EHD4: variants seen among roughly 807,000 people sequenced by gnomAD.
EHD4 encodes EH domain containing 4, also known as EH domain-containing protein 4.
A neutral mutation model predicts 51.0 loss-of-function variants in EHD4; 37 were observed. The ratio of observed to expected loss-of-function variants is 0.73; its 90% confidence interval spans 0.56 to 0.95. EHD4 has a LOEUF of 0.95. Among genes scored for constraint, EHD4 ranks in the 40% least tolerant of loss-of-function variants. The pLI is 0.00. For synonymous variants in EHD4, 297 were observed against 317.3 expected (o/e 0.94, Z 0.68); for missense variants, 632 against 733.1 (o/e 0.86, Z 1.59).
chr15:41,961,659 T>C (rs560052972), intron 1 of EHD4, among the ~76,000 whole-genome samples: 2 of 152,334 alleles, frequency 1.3e-5, no homozygotes, highest in African/African-American at 4.8e-5. Context: ...TTTCTCCAAA[T>C]AGAATCATTT....
chr15:41,922,459 C>T (rs915810052), intron 3 of EHD4, among the ~76,000 whole-genome samples: 5 of 152,178 alleles, frequency 3.3e-5, no homozygotes, highest in Admixed American at 2.6e-4. Flanking sequence ...TTTAAGATTT[C>T]GGAATACCTC....
intron 3 of EHD4, among the ~76,000 whole-genome samples, chr15:41,933,956 C>A (rs1430940833): frequency 6.6e-6 from 1 of 152,082 alleles, no homozygotes; most frequent in African/African-American, 2.4e-5. Flanking sequence ...TCCTGCGGGA[C>A]AGTCACCTCT....
chr15:41,903,407 C>A (rs1015389919), intron 5 of EHD4, among the ~76,000 whole-genome samples: 5 of 149,780 alleles, frequency 3.3e-5, no homozygotes, highest in Non-Finnish European at 7.4e-5. Flanking sequence ...CTGGCAAAAA[C>A]CTCTGCTAGC....
Position 41,921,789 on chromosome 15 carries a change from C to T in EHD4, c.512-2167G>A, listed in dbSNP as rs1013385472. The T allele has an allele frequency of 3.3e-5, 5 of 152,194 alleles. No individual in the cohort carries two copies. In the East Asian group the frequency reaches 5.8e-4, roughly 18 times the overall value. The allele number at this position is 152,194 out of a possible 1,614,324, so 9.4% of individuals were successfully genotyped here. A position where few individuals can be genotyped will look rare whatever the true frequency, so the allele number is the denominator to read the frequency against. ...CCTTCCTGTTGGGTCAGGAGGTATC[C>T]TTTATGGGTTGTGGAGGCTGAAGGT... On this transcript the variant is annotated intron_variant, in intron 3 of 5. Transcript: ENST00000220325.
intron 1 of EHD4, among the ~76,000 whole-genome samples, chr15:41,966,947 T>C (rs1352259866): frequency 6.6e-6 from 1 of 152,200 alleles, no homozygotes; most frequent in Non-Finnish European, 1.5e-5. Context: ...TCCCAGATGC[T>C]GGCTACTAAA....
At chr15:41,965,288 C>CAAA (rs2067954564) in intron 1 of EHD4, among the ~76,000 whole-genome samples, 4 of 152,156 alleles carry the variant, frequency 2.6e-5, no homozygotes. Flanking sequence ...TAAGAAAATG[C>CAAA]TCATCGTATC....
intron 4 of EHD4, among the ~76,000 whole-genome samples, chr15:41,918,243 C>A (rs1277859529): frequency 7.7e-6 from 1 of 130,592 alleles, no homozygotes; most frequent in Non-Finnish European, 1.7e-5. Context: ...CACACACACA[C>A]GCGCATGTTT....
At chr15:41,933,548 G>C (rs75422944) in intron 3 of EHD4, among the ~76,000 whole-genome samples, 3 of 152,098 alleles carry the variant, frequency 2.0e-5, no homozygotes, top group Non-Finnish European at 2.9e-5. Context: ...AAACGTGCCC[G>C]GCCAGTGTTT....
intron 3 of EHD4, chr15:41,941,539 A>T (rs1281860164): frequency 2.6e-5 from 4 of 151,934 alleles, no homozygotes; most frequent in Admixed American, 1.3e-4. Context: ...TAGAAAATAA[A>T]GCCAACAAGA....
chr15:41,943,293 C>T, intron 2 of EHD4, 129 bp from the exon 3 acceptor site: 1 of 634,296 alleles, frequency 1.6e-6, no homozygotes, highest in Non-Finnish European at 2.7e-6. Context: ...CTGACAGAAA[C>T]TGAGGATGCC....
rs55757218 is a variant in EHD4, at chr15:41,897,914, C to T, written c.*2731G>A. The T allele has an allele frequency of 0.01, 1,588 of 152,336 alleles. 5 individuals carry two copies. The highest frequency in any genetic ancestry group is 0.027 in the Middle Eastern group (8 of 294). The allele number at this position is 152,336 out of a possible 1,614,324, so 9.4% of individuals were successfully genotyped here. A position where few individuals can be genotyped will look rare whatever the true frequency, so the allele number is the denominator to read the frequency against. On this transcript the variant is annotated 3_prime_UTR_variant, in exon 6 of 6. Coordinates refer to ENST00000220325, the MANE Select transcript of EHD4 (RefSeq NM_139265.4). ...AATTGGGGTGGTGCAGGAAGGGCAACGGTGATGGTGAGCAGGCCCCAGGGT... is the reference window on the plus strand; with the variant it reads ...AATTGGGGTGGTGCAGGAAGGGCAATGGTGATGGTGAGCAGGCCCCAGGGT...
At chr15:41,907,313 A>G (rs2067519248) in intron 5 of EHD4, among the ~76,000 whole-genome samples, 1 of 152,192 alleles carries the variant, frequency 6.6e-6, no homozygotes, top group Non-Finnish European at 1.5e-5. Flanking sequence ...TCTGAAGGGT[A>G]CAAGGAAACA....
At chr15:41,931,799 CCTGAGTAG>C (rs996994240) in intron 3 of EHD4, among the ~76,000 whole-genome samples, 3 of 151,772 alleles carry the variant, frequency 2.0e-5, no homozygotes, top group Non-Finnish European at 4.4e-5. Context: ...GCCTCAGCCT[CCTGAGTAG>C]CTGGGATTAC....
chr15:41,912,327 C>T (rs968774620), intron 4 of EHD4, among the ~76,000 whole-genome samples: 7 of 152,166 alleles, frequency 4.6e-5, no homozygotes, highest in African/African-American at 9.7e-5. Context: ...CATGTCCACC[C>T]GCGTCCTGCC....
At position 41,900,429 on chromosome 15, in the gene EHD4, C is replaced by A. The variant is rs112926893; in HGVS notation, c.*216G>T. On this transcript the variant is annotated 3_prime_UTR_variant, in exon 6 of 6. Coordinates refer to ENST00000220325, the MANE Select transcript of EHD4 (RefSeq NM_139265.4). The surrounding 1 kb of genome is among the most constrained non-coding windows in gnomAD (Gnocchi z 4.8). ...CTTCTCAACCCTTCAATCTCCTAAT[C>A]CACCCCCCTACCCCCAATATTTTCA... 1,292 of 589,738 alleles carry A rather than the reference C, an allele frequency of 2.2e-3. 9 individuals are homozygous for A. Among genetic ancestry groups the A allele is most frequent in the African/African-American group, 0.022 (1,168 of 53,780 alleles). The allele number at this position is 589,738 out of a possible 1,614,324, so 36.5% of individuals were successfully genotyped here. A position where few individuals can be genotyped will look rare whatever the true frequency, so the allele number is the denominator to read the frequency against.
chr15:41,910,511 A>C (rs1017369312), intron 4 of EHD4, among the ~76,000 whole-genome samples: 2 of 151,892 alleles, frequency 1.3e-5, no homozygotes, highest in African/African-American at 4.8e-5. Flanking sequence ...CAACATTTCC[A>C]CTCTTCTACT....
chr15:41,941,704 TG>T (rs1355154164), intron 3 of EHD4: 1 of 151,766 alleles, frequency 6.6e-6, no homozygotes, highest in Non-Finnish European at 1.5e-5. Flanking sequence ...GCAGGCACCC[TG>T]GGAGGCCTCG....
chr15:41,909,564 A>G (rs1487371506), intron 5 of EHD4, 135 bp downstream of exon 5: 4 of 1,046,972 alleles, frequency 3.8e-6, no homozygotes, highest in Non-Finnish European at 5.6e-6. Context: ...GCCTATTATC[A>G]TGGATCACCA....
chr15:41,960,007 G>T (rs970848609), intron 1 of EHD4, among the ~76,000 whole-genome samples: 1 of 148,254 alleles, frequency 6.7e-6, no homozygotes, highest in African/African-American at 2.5e-5. Context: ...ATCTATCCTT[G>T]TGTTTCACAC....
Sources: allele counts gnomAD v4.1 joint callset (sites outside exome capture counted in the v4.1 genomes callset), GRCh38; gene constraint gnomAD v4.1.1; non-coding constraint Gnocchi (gnomAD v3.1); transcripts MANE v1.5; gene names NCBI Gene and HGNC (gene_info 2026-07-23, HGNC 2026-07-21).